Variants in COL14A1 observed in about 807,000 individuals in gnomAD.
COL14A1 encodes collagen type XIV alpha 1 chain.
In COL14A1, 136 loss-of-function variants were observed where a neutral mutation model predicts 230.3. The ratio of observed to expected loss-of-function variants is 0.59; its 90% CI spans 0.51 to 0.68. The LOEUF (loss-of-function observed/expected upper bound fraction) is 0.68, where lower values mean the gene tolerates loss of function less well. COL14A1 is among the 30% of genes least tolerant of loss of function. The pLI is 0.00. For missense variants in COL14A1, 1,976 were observed against 2,215.8 expected (o/e 0.89, Z 2.17); for synonymous variants, 792 against 784.1 (o/e 1.01, Z -0.17).
At chr8:120,189,789 T>C (rs200620614) in intron 5 of COL14A1, among the ~76,000 whole-genome samples, 2 of 152,026 alleles carry the variant, frequency 1.3e-5, no homozygotes, top group African/African-American at 4.8e-5. Context: ...CCAATTTCAT[T>C]CATGTCCCTA....
intron 45 of COL14A1, among the ~76,000 whole-genome samples, chr8:120,355,019 T>C (rs1371846690): frequency 6.6e-6 from 1 of 152,230 alleles, no homozygotes; most frequent in Non-Finnish European, 1.5e-5. Flanking sequence ...CTCATTATCC[T>C]AAAATTCAGA....
At chr8:120,147,153 C>A (rs1407263585) in intron 1 of COL14A1, among the ~76,000 whole-genome samples, 1 of 150,330 alleles carries the variant, frequency 6.7e-6, no homozygotes, top group Non-Finnish European at 1.5e-5. Flanking sequence ...TCTTCATTTT[C>A]TTGTCTTCCA....
Position 120,373,407 on chromosome 8 carries a change from A to C in COL14A1, c.*2176A>C, listed in dbSNP as rs753850882. ...GTAAAATGTTAAAAATAATAAGTGTAACTCAGATTCTGGATGTTCGAGTTT... is the reference window on the plus strand; with the variant it reads ...GTAAAATGTTAAAAATAATAAGTGTCACTCAGATTCTGGATGTTCGAGTTT... On this transcript the variant is annotated 3_prime_UTR_variant, in exon 48 of 48. Transcript: ENST00000297848. Among the ~76,000 whole-genome samples, 1 of 152,192 alleles carries C rather than the reference A, an allele frequency of 6.6e-6. No homozygotes were observed. The highest frequency in any genetic ancestry group is 1.5e-5 in the Non-Finnish European group (1 of 68,028).
At chr8:120,184,919 C>T (rs1816599416) in intron 5 of COL14A1, among the ~76,000 whole-genome samples, 1 of 152,194 alleles carries the variant, frequency 6.6e-6, no homozygotes. Flanking sequence ...GTCAGAAATA[C>T]TCTCATAGAC....
At chr8:120,299,448 CTG>C (rs1820643567) in intron 35 of COL14A1, among the ~76,000 whole-genome samples, 1 of 152,076 alleles carries the variant, frequency 6.6e-6, no homozygotes, top group African/African-American at 2.4e-5. Context: ...TCGGAATCCT[CTG>C]TTGTATCAAG....
intron 45 of COL14A1, among the ~76,000 whole-genome samples, chr8:120,360,940 C>T (rs1187994034): frequency 1.3e-5 from 2 of 152,108 alleles, no homozygotes; most frequent in African/African-American, 4.8e-5. Context: ...CAAACCCCAC[C>T]CCTGCCTCCT....
At chr8:120,341,262 ATGATTATCACTC>A (rs1822286216) in intron 42 of COL14A1, 51 bp from the exon 43 acceptor site, 1 of 1,502,218 alleles carries the variant, frequency 6.7e-7, no homozygotes, top group Non-Finnish European at 9.3e-7. Context: ...GAAAAGATGC[ATGATTATCACTC>A]TTAGCTAAGT....
intron 1 of COL14A1, among the ~76,000 whole-genome samples, chr8:120,133,531 AG>A (rs1169102389): frequency 2.0e-5 from 3 of 152,202 alleles, no homozygotes; most frequent in Admixed American, 1.3e-4. Flanking sequence ...AAGAGAAAAA[AG>A]TTAGAGGATA....
chr8:120,369,542 G>A (rs1159937885), intron 47 of COL14A1, 57 bp downstream of exon 47: 4 of 1,415,054 alleles, frequency 2.8e-6, no homozygotes, highest in South Asian at 1.7e-5. Flanking sequence ...AGTATGCTTA[G>A]TACCAAAATG....
intron 5 of COL14A1, among the ~76,000 whole-genome samples, chr8:120,176,109 G>A (rs557263831): frequency 1.3e-4 from 20 of 152,234 alleles, no homozygotes; most frequent in Non-Finnish European, 2.8e-4. Flanking sequence ...TATATAAATA[G>A]CATAATATTT....
Position 120,216,438 on chromosome 8 carries a change from T to A in COL14A1, c.1685T>A (p.Ile562Asn). ...RLTWDPTSRQ[I>N]NGYRIVYNNA... ...ACCTGGGACCCAACTTCAAGACAGA[T>A]CAATGGTTATCGAATTGTATATAAC... The change falls in exon 14 of 48, where the codon ATC (isoleucine) becomes AAC (asparagine). Residue 562 changes from isoleucine (I) to asparagine (N), a missense_variant. By Grantham distance (149) the Ile-to-Asn change is moderately radical. Around this residue, in one of 3 missense-constraint regions of COL14A1, gnomAD observed 1,791 missense variants for 2,019.5 expected, o/e 0.89. Coordinates refer to ENST00000297848, the MANE Select transcript of COL14A1 (RefSeq NM_021110.4). 1 of 1,613,844 alleles carries A rather than the reference T, an allele frequency of 6.2e-7. No individual in the cohort carries two copies. The highest frequency in any genetic ancestry group is 8.5e-7 in the Non-Finnish European group (1 of 1,179,870).
At chr8:120,266,689 T>G in intron 24 of COL14A1, 138 bp from the exon 25 acceptor site, 1 of 726,050 alleles carries the variant, frequency 1.4e-6, no homozygotes, top group Non-Finnish European at 2.4e-6. Context: ...TGCGGCTGAT[T>G]TATAGTACTC....
chr8:120,221,133 G>A (rs1817921137), intron 14 of COL14A1, among the ~76,000 whole-genome samples: 1 of 152,182 alleles, frequency 6.6e-6, no homozygotes, highest in Admixed American at 6.5e-5. Flanking sequence ...AAAGGCCACA[G>A]TTTTTGGATT....
chr8:120,280,760 T>A lies in COL14A1; in HGVS notation c.3685+11T>A. The A allele has an allele frequency of 2.5e-6, 4 of 1,612,496 alleles. No individual in the cohort carries two copies. The highest frequency in any genetic ancestry group is 3.4e-6 in the Non-Finnish European group (4 of 1,179,488). ...GCATTGATCTTGCAGGTATGCATTATCACAATCTTTTCAAACACAAAATAT... is the reference window on the plus strand; with the variant it reads ...GCATTGATCTTGCAGGTATGCATTAACACAATCTTTTCAAACACAAAATAT... On this transcript the variant is annotated intron_variant, in intron 30 of 47. Coordinates refer to ENST00000297848, the MANE Select transcript of COL14A1 (RefSeq NM_021110.4).
chr8:120,152,353 C>T (rs1345823177), intron 2 of COL14A1, among the ~76,000 whole-genome samples: 1 of 150,884 alleles, frequency 6.6e-6, no homozygotes, highest in Middle Eastern at 3.2e-3. Flanking sequence ...GTCTGTAGTC[C>T]TAGCTACTAG....
intron 5 of COL14A1, among the ~76,000 whole-genome samples, chr8:120,168,575 T>C (rs1815994168): frequency 6.6e-6 from 1 of 152,172 alleles, no homozygotes; most frequent in African/African-American, 2.4e-5. Flanking sequence ...GCATGGGCTC[T>C]CCCACTTGCC....
At chr8:120,195,855 C>T (rs1424177807) in intron 5 of COL14A1, among the ~76,000 whole-genome samples, 1 of 152,114 alleles carries the variant, frequency 6.6e-6, no homozygotes, top group Non-Finnish European at 1.5e-5. Flanking sequence ...GGGGACACAA[C>T]CAAACCATAT....
chr8:120,279,289 C>T (rs765347142), intron 28 of COL14A1, among the ~76,000 whole-genome samples: 2 of 151,642 alleles, frequency 1.3e-5, no homozygotes, highest in Non-Finnish European at 2.9e-5. Flanking sequence ...ATCTTCAGCA[C>T]GTGTATCCCA....
At chr8:120,322,794 A>G (rs1387427671) in intron 40 of COL14A1, among the ~76,000 whole-genome samples, 2 of 151,956 alleles carry the variant, frequency 1.3e-5, no homozygotes, top group African/African-American at 4.8e-5. Context: ...TATCCAGTCT[A>G]TCATTGATGG....
Sources: allele counts gnomAD v4.1 joint callset (sites outside exome capture counted in the v4.1 genomes callset), GRCh38; gene constraint gnomAD v4.1.1; regional missense constraint gnomAD v4.1.1; transcripts MANE v1.5; gene names NCBI Gene and HGNC (gene_info 2026-07-23, HGNC 2026-07-21).